The following CNTN5 variants were observed in gnomAD, a reference collection of about 807,000 sequenced individuals.
CNTN5 encodes contactin-5.
A neutral mutation model predicts 129.1 loss-of-function variants in CNTN5; 77 were observed. The observed-to-expected ratio is 0.60, with a 90% confidence interval of 0.50 to 0.72. The LOEUF is 0.72. Among genes scored for constraint, CNTN5 ranks in the 30% least tolerant of loss-of-function variants. The pLI is 0.00. For synonymous variants in CNTN5, 509 were observed against 465.6 expected (o/e 1.09, Z -1.20); for missense variants, 1,478 against 1,328.8 (o/e 1.11, Z -1.75).
intron 2 of CNTN5, among the ~76,000 whole-genome samples, chr11:99,365,139 C>T (rs1939364913): frequency 6.6e-6 from 1 of 152,154 alleles, no homozygotes; most frequent in Non-Finnish European, 1.5e-5. Flanking sequence ...ACTTTGCTCC[C>T]TAGCTCTGCT....
intron 9 of CNTN5, among the ~76,000 whole-genome samples, chr11:100,032,941 T>G (rs1396242776): frequency 6.6e-6 from 1 of 152,208 alleles, no homozygotes; most frequent in Non-Finnish European, 1.5e-5. Flanking sequence ...TTACCTAGTT[T>G]TTTGTTTTAA....
chr11:100,019,923 GT>G (rs1238544570), intron 9 of CNTN5, among the ~76,000 whole-genome samples: 5 of 151,918 alleles, frequency 3.3e-5, no homozygotes, highest in Admixed American at 3.3e-4. Context: ...TCATATACCT[GT>G]TGACCATTTG....
At chr11:99,209,817 A>G (rs1265699554) in intron 1 of CNTN5, among the ~76,000 whole-genome samples, 2 of 152,122 alleles carry the variant, frequency 1.3e-5, no homozygotes, top group Non-Finnish European at 2.9e-5. Context: ...CTAGATCAGA[A>G]CCTAACTTCG....
chr11:99,701,420 A>T (rs1954515158), intron 3 of CNTN5, among the ~76,000 whole-genome samples: 2 of 151,272 alleles, frequency 1.3e-5, no homozygotes, highest in Non-Finnish European at 3.0e-5. Context: ...GGTCTTGTAG[A>T]ATATGAAGAG....
intron 1 of CNTN5, among the ~76,000 whole-genome samples, chr11:99,129,333 C>T (rs73537854): frequency 0.053 from 8,069 of 152,050 alleles, 407 homozygotes; most frequent in African/African-American, 0.13. Flanking sequence ...GCTGAATTGA[C>T]CAGGCAGAAG....
intron 1 of CNTN5, among the ~76,000 whole-genome samples, chr11:99,131,088 C>A: frequency 8.6e-6 from 1 of 116,526 alleles, no homozygotes; most frequent in Non-Finnish European, 1.8e-5. Context: ...TGGTGAAACC[C>A]CATCTCTACT....
chr11:100,207,055 T>C (rs536286661), intron 15 of CNTN5, among the ~76,000 whole-genome samples: 220 of 152,232 alleles, frequency 1.4e-3, no homozygotes, highest in Non-Finnish European at 2.0e-3. Flanking sequence ...ACCTGTAATG[T>C]GTACAGCATT....
intron 2 of CNTN5, among the ~76,000 whole-genome samples, chr11:99,383,843 C>A (rs1940755071): frequency 6.6e-6 from 1 of 152,222 alleles, no homozygotes; most frequent in African/African-American, 2.4e-5. Context: ...CTACTAGAGA[C>A]ACAGAAGGCC....
chr11:99,732,683 C>T (rs759465311), intron 3 of CNTN5, among the ~76,000 whole-genome samples: 15 of 152,094 alleles, frequency 9.9e-5, no homozygotes, highest in Non-Finnish European at 2.1e-4. Context: ...TGTTGAGCTT[C>T]CACACTGTCC....
intron 4 of CNTN5, among the ~76,000 whole-genome samples, chr11:99,836,067 A>C (rs912082635): frequency 6.6e-6 from 1 of 151,930 alleles, no homozygotes; most frequent in African/African-American, 2.4e-5. Context: ...TACCCATTTT[A>C]ATGGTTATTC....
chr11:99,595,637 C>T (rs1425088827), intron 3 of CNTN5, among the ~76,000 whole-genome samples: 1 of 151,980 alleles, frequency 6.6e-6, no homozygotes, highest in Admixed American at 6.6e-5. Context: ...GTATGAATTA[C>T]CAGTGTTTTT....
At chr11:99,450,676 T>C (rs1026623404) in intron 2 of CNTN5, among the ~76,000 whole-genome samples, 2 of 151,334 alleles carry the variant, frequency 1.3e-5, no homozygotes, top group Admixed American at 6.6e-5. Context: ...GCCATCTCCA[T>C]CCCCTGGTCA....
At chr11:99,299,106 A>G (rs1279698335) in intron 1 of CNTN5, among the ~76,000 whole-genome samples, 1 of 152,156 alleles carries the variant, frequency 6.6e-6, no homozygotes, top group Non-Finnish European at 1.5e-5. Flanking sequence ...ATTTTCGATA[A>G]CAACATAAAC....
chr11:99,586,736 A>G (rs990694995), intron 3 of CNTN5, among the ~76,000 whole-genome samples: 9 of 152,184 alleles, frequency 5.9e-5, no homozygotes, highest in African/African-American at 2.2e-4. Flanking sequence ...TTCACAAAAT[A>G]TATGTGGCTT....
intron 21 of CNTN5, chr11:100,336,868 T>G (rs1952047927): frequency 2.0e-6 from 1 of 504,890 alleles, no homozygotes; most frequent in Admixed American, 3.2e-5. Context: ...TGTGGAACAG[T>G]GGATTTGAAA....
intron 1 of CNTN5, among the ~76,000 whole-genome samples, chr11:99,136,511 C>T (rs988202533): frequency 2.0e-5 from 3 of 152,086 alleles, no homozygotes; most frequent in African/African-American, 4.8e-5. Context: ...TGCTTCTTCC[C>T]TATGATCCTA....
chr11:99,915,887 T>C (rs1232695451), intron 6 of CNTN5, among the ~76,000 whole-genome samples, 167 bp from the exon 7 acceptor site: 1 of 152,152 alleles, frequency 6.6e-6, no homozygotes, highest in Non-Finnish European at 1.5e-5. Context: ...TCCATTGTGG[T>C]ATTTAAAATT....
chr11:99,303,766 T>G (rs956714763), intron 1 of CNTN5, among the ~76,000 whole-genome samples: 6 of 152,076 alleles, frequency 3.9e-5, no homozygotes, highest in Non-Finnish European at 8.8e-5. Context: ...TGCATAAGAA[T>G]GCCTATGGTT....
In CNTN5 at chr11:100,071,710, G is replaced by C; in HGVS notation, c.1305G>C (p.Arg435Ser). 1 of 1,580,106 alleles carries C rather than the reference G, an allele frequency of 6.3e-7. No homozygotes were observed. Among genetic ancestry groups the C allele is most frequent in the Non-Finnish European group, 8.6e-7 (1 of 1,162,134 alleles). The change falls in exon 12 of 25, where the codon AGG becomes AGC. Residue 435 changes from arginine (R) to serine (S), a missense_variant. Coordinates refer to ENST00000524871, the MANE Select transcript of CNTN5 (RefSeq NM_014361.4). ...KNGVPLSPQSRVEMVNGVLMI... is the reference protein window; with the variant it reads ...KNGVPLSPQSSVEMVNGVLMI... Reference sequence around the variant, plus strand: ...TTTTTTTAATTCCATTACAGAGTAGGGTTGAGATGGTTAATGGAGTATTGA... The same window carrying C: ...TTTTTTTAATTCCATTACAGAGTAGCGTTGAGATGGTTAATGGAGTATTGA...
Sources: gnomAD v4.1 joint callset for allele counts (sites outside exome capture counted in the v4.1 genomes callset) on GRCh38, gnomAD v4.1.1 for gene constraint, MANE v1.5 for transcripts, NCBI Gene and HGNC (gene_info 2026-07-23, HGNC 2026-07-21) for gene names.